Variants in VPS13B observed in about 807,000 individuals in gnomAD.
VPS13B encodes the protein intermembrane lipid transfer protein VPS13B.
A neutral mutation model predicts 426.4 loss-of-function variants in VPS13B; 285 were observed. The ratio of observed to expected loss-of-function variants is 0.67; its 90% CI spans 0.61 to 0.74. The LOEUF is 0.74. VPS13B is among the 30% of genes least tolerant of loss of function. The pLI is 0.00. For synonymous variants in VPS13B, 1,676 were observed against 1,676.4 expected (o/e 1.00, Z 0.01); for missense variants, 4,537 against 4,782.6 (o/e 0.95, Z 1.51).
rs73702011 is a variant in VPS13B, at chr8:99,391,305, A to T, written c.2935-252A>T. Among the ~76,000 whole-genome samples the T allele has an allele frequency of 4.0e-3, 613 of 152,008 alleles. 3 individuals are homozygous for T. The highest frequency in any genetic ancestry group is 0.014 in the African/African-American group (569 of 41,460). On this transcript the variant is annotated intron_variant, in intron 20 of 61. Coordinates refer to ENST00000357162, the MANE Select transcript of VPS13B (RefSeq NM_152564.5). ...GGTTTTCACTCAGAATTTTAATTTA[A>T]AATTTAAGTGGATAAGCATTGCTCT...
chr8:99,627,754 T>C (rs1039933548), intron 33 of VPS13B, among the ~76,000 whole-genome samples: 1 of 152,224 alleles, frequency 6.6e-6, no homozygotes, highest in Non-Finnish European at 1.5e-5. Context: ...AGTTATGATT[T>C]GTCAATCAAA....
At chr8:99,124,880 C>T (rs1225482164) in intron 8 of VPS13B, among the ~76,000 whole-genome samples, 1 of 20,990 alleles carries the variant, frequency 4.8e-5, no homozygotes, top group Non-Finnish European at 8.9e-5. Context: ...AAGACTCCGT[C>T]TCAAAAAAAA....
chr8:99,076,612 C>CTTTTTTTTTTTTTTT, intron 3 of VPS13B, among the ~76,000 whole-genome samples: 1 of 139,738 alleles, frequency 7.2e-6, no homozygotes, highest in Non-Finnish European at 1.5e-5. Flanking sequence ...ATGACTTTGT[C>CTTTTTTTTTTTTTTT]TTTTTTTTTT....
chr8:99,691,255 G>A (rs1395945791), intron 35 of VPS13B, among the ~76,000 whole-genome samples: 2 of 146,248 alleles, frequency 1.4e-5, no homozygotes, highest in Non-Finnish European at 2.9e-5. Context: ...TACTGTGTGT[G>A]TGTGTGTGTG....
chr8:99,408,466 C>T (rs547302007), intron 21 of VPS13B, among the ~76,000 whole-genome samples: 12 of 151,980 alleles, frequency 7.9e-5, no homozygotes, highest in East Asian at 7.7e-4. Context: ...TTTGTTTGTT[C>T]GTTTGTTTTT....
chr8:99,807,873 TAAAA>T (rs35638213), intron 43 of VPS13B, among the ~76,000 whole-genome samples: 1,354 of 118,050 alleles, frequency 0.011, 29 homozygotes, highest in African/African-American at 0.039. Context: ...TATTCAGATT[TAAAA>T]AAAAAAAAAA....
chr8:99,577,249 A>G lies in VPS13B; in HGVS notation c.5077-241A>G, dbSNP rs116011290. Among the ~76,000 whole-genome samples the G allele has an allele frequency of 1.0e-2, 1,518 of 152,248 alleles. 28 individuals carry two copies. The highest frequency in any genetic ancestry group is 0.035 in the African/African-American group (1,447 of 41,566). On this transcript the variant is annotated intron_variant, in intron 32 of 61. Transcript: ENST00000357162. ...AGGTATGAAAAGGTGAAGACTTCTT[A>G]TTGTTAGTTGTGTATATCTAGCACA...
intron 39 of VPS13B, among the ~76,000 whole-genome samples, chr8:99,734,053 A>G (rs1833711954): frequency 6.6e-6 from 1 of 152,184 alleles, no homozygotes; most frequent in Non-Finnish European, 1.5e-5. Flanking sequence ...CTAAGTAATC[A>G]CGAATCTACT....
chr8:99,494,073 A>C (rs1820766976), intron 25 of VPS13B, among the ~76,000 whole-genome samples: 2 of 152,136 alleles, frequency 1.3e-5, no homozygotes, highest in African/African-American at 4.8e-5. Context: ...AAACACATGT[A>C]ATGTGTTTTT....
chr8:99,634,661 T>C (rs2133917608), intron 33 of VPS13B, among the ~76,000 whole-genome samples: 1 of 152,138 alleles, frequency 6.6e-6, no homozygotes, highest in East Asian at 1.9e-4. Flanking sequence ...AAAAAGCCCT[T>C]GTTTTCTAGC....
Position 99,821,045 on chromosome 8 carries a change from T to G in VPS13B, c.8995-249T>G, listed in dbSNP as rs933811630. Among the ~76,000 whole-genome samples, 4 of 119,998 alleles carry G rather than the reference T, an allele frequency of 3.3e-5. No individual in the cohort carries two copies. In the Admixed American group the frequency reaches 3.8e-4, roughly 12 times the overall value. The allele number at this position is 119,998 out of a possible 152,430, so 78.7% of individuals were successfully genotyped here. A position where few individuals can be genotyped will look rare whatever the true frequency, so the allele number is the denominator to read the frequency against. Reference sequence around the variant, plus strand: ...CCTTCCGTAAATACGAATTCCATTGTGAGTAAAAAAAAAAAAATACATTGG... The same window carrying G: ...CCTTCCGTAAATACGAATTCCATTGGGAGTAAAAAAAAAAAAATACATTGG... On this transcript the variant is annotated intron_variant, in intron 49 of 61. Transcript: ENST00000357162.
chr8:99,658,739 A>G (rs1426737166), intron 34 of VPS13B, among the ~76,000 whole-genome samples: 4 of 152,200 alleles, frequency 2.6e-5, no homozygotes, highest in African/African-American at 9.6e-5. Flanking sequence ...GGAATTAATG[A>G]GAGTGGACCT....
chr8:99,121,934 C>T (rs1382873588), intron 8 of VPS13B, among the ~76,000 whole-genome samples: 1 of 149,898 alleles, frequency 6.7e-6, no homozygotes, highest in Non-Finnish European at 1.5e-5. Flanking sequence ...TCAGTGCAAC[C>T]TCTGCCTCCC....
rs535257568 is a variant in VPS13B, at chr8:99,518,586, A to G, written c.4634-2313A>G. Among the ~76,000 whole-genome samples, 3 of 151,474 alleles carry G rather than the reference A, an allele frequency of 2.0e-5. No homozygotes were observed. The East Asian group carries it at 5.8e-4, about 29-fold the overall frequency. ...CTGTCCCTTCTCCCACCTTCCTACT[A>G]TTTTGCCTTTCCCTCCTCCCTTCAT... On this transcript the variant is annotated intron_variant, in intron 29 of 61. Coordinates refer to ENST00000357162, the MANE Select transcript of VPS13B (RefSeq NM_152564.5).
intron 30 of VPS13B, among the ~76,000 whole-genome samples, chr8:99,551,416 A>T (rs985599438): frequency 1.3e-5 from 2 of 151,980 alleles, no homozygotes; most frequent in African/African-American, 4.8e-5. Context: ...ATATTGATTG[A>T]TTTATTAAAT....
At chr8:99,358,999 G>A (rs1812344961) in intron 19 of VPS13B, among the ~76,000 whole-genome samples, 1 of 152,066 alleles carries the variant, frequency 6.6e-6, no homozygotes, top group Non-Finnish European at 1.5e-5. Context: ...AGCTTTGCAA[G>A]TACAGAAATA....
chr8:99,767,232 G>GA (rs1238554122), intron 40 of VPS13B, among the ~76,000 whole-genome samples: 2 of 151,630 alleles, frequency 1.3e-5, no homozygotes, highest in African/African-American at 4.8e-5. Flanking sequence ...GAAAAAAATG[G>GA]AAAAAAGCAA....
chr8:99,549,458 T>C (rs1824160552), intron 30 of VPS13B, among the ~76,000 whole-genome samples: 2 of 152,092 alleles, frequency 1.3e-5, no homozygotes, highest in African/African-American at 2.4e-5. Context: ...TTCCTGACAA[T>C]TTTTGAAGTT....
intron 16 of VPS13B, among the ~76,000 whole-genome samples, chr8:99,190,826 T>C (rs1052874696): frequency 6.7e-6 from 1 of 149,388 alleles, no homozygotes; most frequent in Non-Finnish European, 1.5e-5. Flanking sequence ...AATGTTTCTT[T>C]CTTCTTCTTT....
Sources: gnomAD v4.1 joint callset for allele counts (sites outside exome capture counted in the v4.1 genomes callset) on GRCh38, gnomAD v4.1.1 for gene constraint, MANE v1.5 for transcripts, NCBI Gene and HGNC (gene_info 2026-07-23, HGNC 2026-07-21) for gene names.